Variants in AK6 observed in about 807,000 individuals in gnomAD.
The protein encoded by AK6 is adenylate kinase 6.
Under a neutral mutation model 23.7 loss-of-function variants are expected in AK6, and 24 were observed. The ratio of observed to expected loss-of-function variants is 1.01; its 90% CI spans 0.73 to 1.43. AK6 has a LOEUF of 1.43. Ranked by LOEUF, AK6 falls within the 40% of genes most tolerant of loss-of-function variation. The pLI is 0.00. For missense variants in AK6, 191 were observed against 199.1 expected (o/e 0.96, Z 0.24); for synonymous variants, 73 against 69.8 (o/e 1.05, Z -0.23).
At position 69,351,752 on chromosome 5, in the gene AK6, G is replaced by A. The variant is rs73772541; in HGVS notation, c.*309C>T. 4.5e-3 allele frequency: 1,019 copies of A among 226,534 alleles called. 8 individuals carry two copies. Among genetic ancestry groups the A allele is most frequent in the African/African-American group, 0.021 (946 of 44,400 alleles). The allele number at this position is 226,534 out of a possible 1,614,324, so 14.0% of individuals were successfully genotyped here. On this transcript the variant is annotated 3_prime_UTR_variant, in exon 5 of 5. Coordinates refer to ENST00000380822, the MANE Select transcript of AK6 (RefSeq NM_016283.5). The stretch of plus-strand genomic sequence containing the variant: ...TGCTTTATCTTTAGTTTTATTTTAA[G>A]AGATCATCTGCATTTTTTTCTGTAA...
chr5:69,364,849 C>T (rs1762345720), intron 2 of AK6: 1 of 1,188,264 alleles, frequency 8.4e-7, no homozygotes, highest in Non-Finnish European at 1.2e-6. Context: ...TATTAGTTTT[C>T]TAAAACACAA....
intron 2 of AK6, among the ~76,000 whole-genome samples, chr5:69,358,334 A>G (rs2150732332): frequency 6.6e-6 from 1 of 152,214 alleles, no homozygotes; most frequent in Non-Finnish European, 1.5e-5. Flanking sequence ...CAGCCTGGCC[A>G]ACATGGTGAA....
intron 4 of AK6, among the ~76,000 whole-genome samples, chr5:69,353,319 AC>A (rs993187190): frequency 2.8e-4 from 42 of 152,152 alleles, no homozygotes; most frequent in African/African-American, 1.0e-3. Flanking sequence ...TTTTTTTGAG[AC>A]GGAGTCTTGC....
At chr5:69,354,123 AC>A (rs1267593990) in intron 4 of AK6, among the ~76,000 whole-genome samples, 1 of 152,124 alleles carries the variant, frequency 6.6e-6, no homozygotes, top group East Asian at 1.9e-4. Context: ...CTTTTTTACA[AC>A]CTTTTCGATA....
chr5:69,361,944 G>C (rs78681696), intron 2 of AK6, among the ~76,000 whole-genome samples: 1 of 149,414 alleles, frequency 6.7e-6, no homozygotes, highest in Non-Finnish European at 1.5e-5. Flanking sequence ...CACCACCCCC[G>C]GCCAGTTTTC....
upstream of AK6, chr5:69,369,618 T>C (rs1762783099): frequency 3.2e-6 from 5 of 1,575,816 alleles, no homozygotes; most frequent in Non-Finnish European, 3.4e-6. Context: ...GCGGCGCCCC[T>C]AGCCTGCCCC....
intron 2 of AK6, chr5:69,365,712 G>A (rs573124907): frequency 1.3e-6 from 2 of 1,565,998 alleles, no homozygotes; most frequent in African/African-American, 2.7e-5. Flanking sequence ...CATGCTCTTG[G>A]GAGAAGCCGT....
rs563311470 is a variant in AK6, at chr5:69,351,986, C to T, written c.*75G>A. 2.3e-6 allele frequency: 3 copies of T among 1,297,936 alleles called. No individual in the cohort carries two copies. Among genetic ancestry groups the T allele is most frequent in the Non-Finnish European group, 3.2e-6 (3 of 944,036 alleles). The allele number at this position is 1,297,936 out of a possible 1,614,324, so 80.4% of individuals were successfully genotyped here. On this transcript the variant is annotated 3_prime_UTR_variant, in exon 5 of 5. Transcript: ENST00000380822. Reference sequence around the variant, plus strand: ...GCAACATGATTTTAATAAAGTGTTACTGACACTTGAACAATTTCTATGATG... The same window carrying T: ...GCAACATGATTTTAATAAAGTGTTATTGACACTTGAACAATTTCTATGATG...
In AK6 at chr5:69,353,720, G is replaced by A. The variant is rs530577032; in HGVS notation, c.327-1467C>T. The stretch of plus-strand genomic sequence containing the variant: ...AAAACTAGAAAAAAACCTGAATTAT[G>A]TACTTTAAGTGGGTGAATGTAAACT... On this transcript the variant is annotated intron_variant, in intron 4 of 4. Coordinates refer to ENST00000380822, the MANE Select transcript of AK6 (RefSeq NM_016283.5). 2.6e-5 allele frequency among the ~76,000 whole-genome samples: 4 copies of A among 152,238 alleles called. No individual in the cohort carries two copies. In the East Asian group the frequency reaches 5.8e-4, roughly 22 times the overall value.
intron 1 of AK6, 84 bp downstream of exon 1, chr5:69,369,379 G>GC: frequency 1.3e-6 from 2 of 1,520,002 alleles, no homozygotes; most frequent in Non-Finnish European, 8.9e-7. Flanking sequence ...GCAGTGAGGG[G>GC]CCCCCACCTG....
intron 2 of AK6, among the ~76,000 whole-genome samples, chr5:69,361,465 ATC>A (rs778949971): frequency 6.7e-6 from 1 of 150,154 alleles, no homozygotes; most frequent in Non-Finnish European, 1.5e-5. Context: ...TTGAGACGGA[ATC>A]TCTCTCTGTC....
At chr5:69,369,199 G>A in intron 1 of AK6, 1 of 488,962 alleles carries the variant, frequency 2.0e-6, no homozygotes, top group Non-Finnish European at 3.6e-6. Flanking sequence ...TGCCAAGCTG[G>A]AGAGCTGGAT....
chr5:69,369,569 C>T, upstream of AK6: 1 of 1,606,732 alleles, frequency 6.2e-7, no homozygotes, highest in South Asian at 1.1e-5. Context: ...GGGCGGGCGG[C>T]AGCAAAAGCC....
chr5:69,359,491 C>T (rs1762172277), intron 2 of AK6, among the ~76,000 whole-genome samples: 3 of 152,130 alleles, frequency 2.0e-5, no homozygotes, highest in East Asian at 1.9e-4. Context: ...GTGATCCACC[C>T]GCCCTGGCCT....
At chr5:69,365,780 T>C (rs1409673321) in intron 2 of AK6, 3 of 1,449,296 alleles carry the variant, frequency 2.1e-6, no homozygotes, top group Non-Finnish European at 1.9e-6. Context: ...AAAAAATATG[T>C]ACATTAGATC....
intron 2 of AK6, chr5:69,365,393 C>T: frequency 6.2e-7 from 1 of 1,614,172 alleles, no homozygotes; most frequent in Non-Finnish European, 8.5e-7. Flanking sequence ...TATCAGGTGG[C>T]AACCTAGGAC....
Position 69,351,206 on chromosome 5 carries a change from T to C in AK6, c.*855A>G, listed in dbSNP as rs2150727222. 6.6e-6 allele frequency: 1 copy of C among 152,324 alleles called. No homozygotes were observed. Among genetic ancestry groups the C allele is most frequent in the East Asian group, 1.9e-4 (1 of 5,184 alleles). The allele number at this position is 152,324 out of a possible 1,614,324, so 9.4% of individuals were successfully genotyped here. The stretch of plus-strand genomic sequence containing the variant: ...GGATTATAAATTTTATTTATGTTTA[T>C]TTTTAGAGTCTAAGGTCTCACTATG... On this transcript the variant is annotated 3_prime_UTR_variant, in exon 5 of 5. Coordinates refer to ENST00000380822, the MANE Select transcript of AK6 (RefSeq NM_016283.5).
chr5:69,354,646 C>T (rs372598888), intron 4 of AK6, among the ~76,000 whole-genome samples: 16 of 152,254 alleles, frequency 1.1e-4, no homozygotes, highest in East Asian at 3.9e-4. Context: ...GGGTTTAACT[C>T]GGTATCTATT....
chr5:69,362,619 G>A (rs1163503180), intron 2 of AK6, among the ~76,000 whole-genome samples: 1 of 152,020 alleles, frequency 6.6e-6, no homozygotes, highest in Non-Finnish European at 1.5e-5. Flanking sequence ...GTGAGGCCTT[G>A]TGTCTGTAGT....
Sources: gnomAD v4.1 joint callset for allele counts (sites outside exome capture counted in the v4.1 genomes callset) on GRCh38, gnomAD v4.1.1 for gene constraint, MANE v1.5 for transcripts, NCBI Gene and HGNC (gene_info 2026-07-23, HGNC 2026-07-21) for gene names.